ANKFY1: variants seen among roughly 807,000 people sequenced by gnomAD.
ANKFY1 encodes ankyrin repeat and FYVE domain-containing protein 1.
In ANKFY1, 47 loss-of-function variants were observed where a neutral mutation model predicts 128.3. That is an observed-to-expected ratio of 0.37 (90% CI 0.29 to 0.47). ANKFY1 has a LOEUF of 0.47. ANKFY1 is among the 20% of genes least tolerant of loss of function. The probability of loss-of-function intolerance (pLI) is 1.00; values close to 1 mark genes in which losing one functional copy is unlikely to be tolerated. For synonymous variants in ANKFY1, 553 were observed against 601.6 expected, an observed-to-expected ratio of 0.92 and a Z score of 1.18; for missense variants, 1,222 against 1,510.6, an observed-to-expected ratio of 0.81 and a Z score of 3.17.
rs2059792037 is a variant in ANKFY1, at chr17:4,195,036, G to C, written c.1314C>G (p.Ser438Arg). 1.2e-6 allele frequency: 2 copies of C among 1,614,084 alleles called. No individual in the cohort carries two copies. Among genetic ancestry groups the C allele is most frequent in the Non-Finnish European group, 1.7e-6 (2 of 1,180,052 alleles). ...CGCGCTGGATGAGTCTGGCTGCAAA[G>C]CTGTTCTCATCAAATGAAGTCCCAT... ...VVNGTSFDEN[S>R]FAARLIQRGS... The change falls in exon 10 of 25, where the codon AGC (serine) becomes AGG (arginine). Residue 438 changes from serine (S) to arginine (R), a missense_variant. Physicochemically the swap from Ser to Arg is moderately radical, Grantham distance 110. Transcript: ENST00000341657.
chr17:4,204,995 C>A (rs2059996121), intron 7 of ANKFY1, among the ~76,000 whole-genome samples: 1 of 152,192 alleles, frequency 6.6e-6, no homozygotes, highest in Non-Finnish European at 1.5e-5. Context: ...TGTATTAAAA[C>A]CTTGGCCCAA....
intron 23 of ANKFY1, among the ~76,000 whole-genome samples, chr17:4,170,187 C>T (rs752545722): frequency 2.0e-5 from 3 of 152,246 alleles, no homozygotes; most frequent in Non-Finnish European, 2.9e-5. Flanking sequence ...TGTTTTCCTG[C>T]CTGTCTCTCC....
At chr17:4,251,622 G>A (rs1382170233) in intron 1 of ANKFY1, among the ~76,000 whole-genome samples, 1 of 149,220 alleles carries the variant, frequency 6.7e-6, no homozygotes, top group Non-Finnish European at 1.5e-5. Flanking sequence ...AAGATAAACT[G>A]TTAAAAAAAA....
Position 4,170,718 on chromosome 17 carries a change from G to A in ANKFY1, c.3283C>T (p.Leu1095=), listed in dbSNP as rs2142999748. ...GAGCAGAGAGCGGGCCACTCACCCAGCAGTCGGAACAGGAGCTGCTTGGTG... is the reference window on the plus strand; with the variant it reads ...GAGCAGAGAGCGGGCCACTCACCCAACAGTCGGAACAGGAGCTGCTTGGTG... ...VATKQLLFRL[L]DMLSKEPPWC... is the part of the protein sequence containing the mutation. Residue 1095 remains leucine, a synonymous_variant, in exon 23 of 25, where the codon CTG becomes TTG. Transcript: ENST00000341657. The A allele has an allele frequency of 1.9e-6, 3 of 1,608,560 alleles. No individual in the cohort carries two copies. Among genetic ancestry groups the A allele is most frequent in the Non-Finnish European group, 1.7e-6 (2 of 1,176,956 alleles).
At chr17:4,177,609 A>G (rs1004939853) in intron 18 of ANKFY1, among the ~76,000 whole-genome samples, 3 of 152,216 alleles carry the variant, frequency 2.0e-5, no homozygotes, top group Non-Finnish European at 4.4e-5. Flanking sequence ...AATCTGAAGG[A>G]TAGGGAAACG....
intron 3 of ANKFY1, among the ~76,000 whole-genome samples, chr17:4,235,340 CAAAAA>C (rs10677242): frequency 8.6e-6 from 1 of 116,752 alleles, no homozygotes; most frequent in Non-Finnish European, 1.7e-5. Context: ...GACTCTGTCT[CAAAAA>C]AAAAAAAAAA....
chr17:4,167,973 C>A lies in ANKFY1; in HGVS notation c.3378-62G>T. 6.4e-7 allele frequency: 1 copy of A among 1,566,954 alleles called. No individual in the cohort carries two copies. The highest frequency in any genetic ancestry group is 8.7e-7 in the Non-Finnish European group (1 of 1,152,392). On this transcript the variant is annotated intron_variant, in intron 24 of 24. Transcript: ENST00000341657. The surrounding 1 kb of genome is among the most constrained non-coding windows in gnomAD (Gnocchi z 4.1). ...CAACGACAGACTCTGCTTCCTGGCA[C>A]GTGAGGACAACCGCAGCAGGGCCTG...
chr17:4,181,081 G>A lies in ANKFY1; in HGVS notation c.2240+173C>T. On this transcript the variant is annotated intron_variant, in intron 16 of 24. Transcript: ENST00000341657. The surrounding 1 kb of genome is among the most constrained non-coding windows in gnomAD (Gnocchi z 4.9). Reference sequence around the variant, plus strand: ...TGTGAGCTCCTCCCGTCACAAGTGAGCCTGGCTCCTGGCTGACTTGACATG... The same window carrying A: ...TGTGAGCTCCTCCCGTCACAAGTGAACCTGGCTCCTGGCTGACTTGACATG... 1 of 580,942 alleles carries A rather than the reference G, an allele frequency of 1.7e-6. No homozygotes were observed. The highest frequency in any genetic ancestry group is 2.8e-5 in the East Asian group (1 of 35,556). 36.0% of individuals were successfully genotyped at this position (580,942 alleles called of 1,614,324 possible). A position where few individuals can be genotyped will look rare whatever the true frequency, so the allele number is the denominator to read the frequency against.
At chr17:4,173,102 C>T (rs1020003785) in intron 21 of ANKFY1, among the ~76,000 whole-genome samples, 5 of 152,250 alleles carry the variant, frequency 3.3e-5, no homozygotes, top group South Asian at 2.1e-4. Flanking sequence ...GTGATCCGCC[C>T]GCCTCGGACT....
chr17:4,220,178 G>A (rs2060285982), intron 3 of ANKFY1, among the ~76,000 whole-genome samples: 1 of 152,152 alleles, frequency 6.6e-6, no homozygotes, highest in African/African-American at 2.4e-5. Flanking sequence ...ACACCAGACA[G>A]AAAACTAATT....
chr17:4,256,063 G>A (rs370258270), intron 1 of ANKFY1, among the ~76,000 whole-genome samples: 1 of 151,908 alleles, frequency 6.6e-6, no homozygotes, highest in African/African-American at 2.4e-5. Context: ...TGACCTGCCC[G>A]CCTCGGCCTC....
chr17:4,215,916 A>ACAAC (rs2060213298), intron 4 of ANKFY1, among the ~76,000 whole-genome samples: 1 of 18,696 alleles, frequency 5.3e-5, no homozygotes, highest in African/African-American at 6.9e-5. Context: ...ACTCCTCACC[A>ACAAC]AAACAAACAA....
At chr17:4,261,079 G>C (rs1968390395) in intron 1 of ANKFY1, among the ~76,000 whole-genome samples, 1 of 152,212 alleles carries the variant, frequency 6.6e-6, no homozygotes. Flanking sequence ...TGCATAGCAA[G>C]CACCTTCAGA....
Position 4,189,461 on chromosome 17 carries a change from C to T in ANKFY1, c.1391G>A (p.Arg464Gln), listed in dbSNP as rs751084130. The T allele has an allele frequency of 1.3e-5, 21 of 1,585,814 alleles. No individual in the cohort carries two copies. The highest frequency in any genetic ancestry group is 4.0e-5 in the African/African-American group (3 of 74,394). ...DTATGNCLLQRAAGAGNEAAA... is the reference protein window; with the variant it reads ...DTATGNCLLQQAAGAGNEAAA... ...TGCCTCGTTTCCTGCTCCAGCTGCC[C>T]GCTGTAGTAAACAGTTTCCTAAAAG... The change falls in exon 11 of 25, where the codon CGG becomes CAG. Residue 464 changes from arginine (R) to glutamine (Q), a missense_variant. Arg to Gln is a conservative substitution (Grantham distance 43). Transcript: ENST00000341657.
At chr17:4,248,304 G>A (rs1024788884) in intron 1 of ANKFY1, among the ~76,000 whole-genome samples, 3 of 152,214 alleles carry the variant, frequency 2.0e-5, no homozygotes, top group Non-Finnish European at 2.9e-5. Flanking sequence ...ATTCTCACAG[G>A]AGCGTGAACC....
At chr17:4,225,955 G>T (rs1222128301) in intron 3 of ANKFY1, among the ~76,000 whole-genome samples, 1 of 152,072 alleles carries the variant, frequency 6.6e-6, no homozygotes, top group Non-Finnish European at 1.5e-5. Context: ...AAGAGATGGG[G>T]TTTTGCCATG....
In ANKFY1 at chr17:4,179,812, T is replaced by G. The variant is rs1158314420; in HGVS notation, c.2306A>C (p.Asp769Ala). The G allele has an allele frequency of 6.2e-7, 1 of 1,614,204 alleles. No homozygotes were observed. The highest frequency in any genetic ancestry group is 2.2e-5 in the East Asian group (1 of 44,884). The change falls in exon 17 of 25, where the codon GAT becomes GCT. Residue 769 changes from aspartate to alanine, a missense_variant. Transcript: ENST00000341657. ...ANGEGEEEARDGQTPLHLAAS... is the reference protein window; with the variant it reads ...ANGEGEEEARAGQTPLHLAAS... ...TGCCAAATGCAAAGGGGTCTGCCCA[T>G]CTCTAGCCTCTTCCTCTCCTTCTCC...
At chr17:4,256,137 G>A (rs1019016206) in intron 1 of ANKFY1, among the ~76,000 whole-genome samples, 4 of 150,430 alleles carry the variant, frequency 2.7e-5, no homozygotes, top group African/African-American at 9.8e-5. Context: ...ATGTTTAAAA[G>A]CTCCCAGGTG....
At chr17:4,229,938 C>T (rs748535492) in intron 3 of ANKFY1, among the ~76,000 whole-genome samples, 1 of 152,228 alleles carries the variant, frequency 6.6e-6, no homozygotes, top group Non-Finnish European at 1.5e-5. Context: ...AATTTGAATC[C>T]ACCTTTGCAG....
Sources: gnomAD v4.1 joint callset for allele counts (sites outside exome capture counted in the v4.1 genomes callset) on GRCh38, gnomAD v4.1.1 for gene constraint, Gnocchi (gnomAD v3.1) non-coding constraint, MANE v1.5 for transcripts, NCBI Gene and HGNC (gene_info 2026-07-23, HGNC 2026-07-21) for gene names.